The following COBL variants were observed in gnomAD, a reference collection of about 807,000 sequenced individuals.
COBL encodes protein cordon-bleu.
In COBL, 51 loss-of-function variants were observed where a neutral mutation model predicts 98.8. The observed-to-expected ratio is 0.52, with a 90% confidence interval of 0.41 to 0.65. The LOEUF (loss-of-function observed/expected upper bound fraction) is 0.65. Among genes scored for constraint, COBL ranks in the 30% least tolerant of loss-of-function variants. COBL has a pLI of 0.00. For missense variants in COBL, 1,617 were observed against 1,617.5 expected (o/e 1.00, Z 0.01); for synonymous variants, 634 against 651.7 (o/e 0.97, Z 0.41).
At chr7:51,211,881 T>G (rs1792469867) in intron 2 of COBL, among the ~76,000 whole-genome samples, 1 of 152,184 alleles carries the variant, frequency 6.6e-6, no homozygotes. Flanking sequence ...CTTCTCTCTC[T>G]GCCTCTCCTC....
intron 1 of COBL, among the ~76,000 whole-genome samples, chr7:51,307,819 T>C (rs1802633694): frequency 1.3e-5 from 2 of 152,224 alleles, no homozygotes; most frequent in South Asian, 2.1e-4. Flanking sequence ...ATTTAGAGCG[T>C]TGTCACAGCA....
intron 1 of COBL, among the ~76,000 whole-genome samples, chr7:51,304,852 G>A (rs1006909056): frequency 3.3e-5 from 5 of 152,176 alleles, no homozygotes; most frequent in African/African-American, 9.7e-5. Flanking sequence ...TTAGTCATGA[G>A]GGATGAGGAG....
intron 2 of COBL, among the ~76,000 whole-genome samples, chr7:51,205,108 A>G (rs1285960554): frequency 3.3e-5 from 5 of 152,218 alleles, no homozygotes; most frequent in African/African-American, 1.2e-4. Flanking sequence ...TACAGATTCA[A>G]TGCAATCCCT....
intron 2 of COBL, among the ~76,000 whole-genome samples, chr7:51,194,428 C>G (rs1448882731): frequency 6.6e-6 from 1 of 152,172 alleles, no homozygotes; most frequent in African/African-American, 2.4e-5. Context: ...CATACACATG[C>G]ATGTGTCTTT....
rs765421325 is a variant in COBL, at chr7:51,043,632, G to A, written c.1157C>T (p.Ser386Leu). Reference protein sequence around the residue: ...CSPDGAPQVLSEAEETVSVGS... With the variant: ...CSPDGAPQVLLEAEETVSVGS... ...AACTGACACGGTCTCCTCCGCCTCTGACAGCACCTGCGGGGCTCCATCCGG... is the reference window on the plus strand; with the variant it reads ...AACTGACACGGTCTCCTCCGCCTCTAACAGCACCTGCGGGGCTCCATCCGG... The change falls in exon 8 of 13, where the codon TCA becomes TTA. Residue 386 changes from serine to leucine, a missense_variant. Coordinates refer to ENST00000265136, the MANE Select transcript of COBL (RefSeq NM_015198.5). The A allele has an allele frequency of 4.3e-6, 7 of 1,614,198 alleles. No individual in the cohort carries two copies. The highest frequency in any genetic ancestry group is 2.2e-5 in the East Asian group (1 of 44,886).
intron 1 of COBL, among the ~76,000 whole-genome samples, chr7:51,236,055 T>G (rs1795227996): frequency 6.6e-6 from 1 of 152,204 alleles, no homozygotes; most frequent in African/African-American, 2.4e-5. Context: ...AGCAGGGGCC[T>G]GGGCTCACTT....
chr7:51,144,387 G>A lies in COBL; in HGVS notation c.784-8056C>T, dbSNP rs115000965. ...TGGTGGAGCCAGACAGGCTGGCTCT[G>A]GGGCAGAGGTTCGAAAACTCAGCTG... is the stretch of plus-strand genomic sequence containing the variant. On this transcript the variant is annotated intron_variant, in intron 5 of 12. Transcript: ENST00000265136. 9.4e-3 allele frequency among the ~76,000 whole-genome samples: 1,433 copies of A among 152,268 alleles called. 29 individuals carry two copies. The highest frequency in any genetic ancestry group is 0.033 in the African/African-American group (1,366 of 41,542).
At chr7:51,077,482 T>C (rs187119787) in intron 7 of COBL, among the ~76,000 whole-genome samples, 2 of 152,356 alleles carry the variant, frequency 1.3e-5, no homozygotes, top group African/African-American at 4.8e-5. Flanking sequence ...CTCAGTTCTA[T>C]ACAAGGTGAC....
intron 1 of COBL, among the ~76,000 whole-genome samples, chr7:51,250,841 T>G (rs1194956225): frequency 1.3e-5 from 2 of 152,168 alleles, no homozygotes; most frequent in East Asian, 3.8e-4. Flanking sequence ...CTGGGAACCC[T>G]TATGCTGGAA....
rs1803664321 is a variant in COBL at position 51,316,799 on chromosome 7, G to A, written c.-166C>T. The stretch of plus-strand genomic sequence containing the variant: ...GGAGCGCGGCGGACGGAAGGGGCTG[G>A]AATCGTCTCTAGCGGGCGGGGGCGC... On this transcript the variant is annotated 5_prime_UTR_variant, in exon 1 of 13. Transcript: ENST00000265136. 1 of 465,296 alleles carries A rather than the reference G, an allele frequency of 2.1e-6. No individual in the cohort carries two copies. The highest frequency in any genetic ancestry group is 3.2e-6 in the Non-Finnish European group (1 of 307,870). 28.8% of individuals were successfully genotyped at this position (465,296 alleles called of 1,614,324 possible).
intron 1 of COBL, among the ~76,000 whole-genome samples, chr7:51,228,643 C>G (rs1794432176): frequency 6.6e-6 from 1 of 152,262 alleles, no homozygotes; most frequent in African/African-American, 2.4e-5. Flanking sequence ...ATCCATAACA[C>G]TCACCAAACT....
intron 1 of COBL, among the ~76,000 whole-genome samples, chr7:51,268,518 A>G (rs1798432939): frequency 6.6e-6 from 1 of 152,008 alleles, no homozygotes; most frequent in Admixed American, 6.6e-5. Flanking sequence ...CTAAGCATTC[A>G]CTCTGTGCAA....
chr7:51,134,085 C>G (rs1798998847), intron 6 of COBL, among the ~76,000 whole-genome samples: 1 of 152,164 alleles, frequency 6.6e-6, no homozygotes, highest in African/African-American at 2.4e-5. Flanking sequence ...TAAGGCTTCC[C>G]AAACAAACAT....
intron 1 of COBL, among the ~76,000 whole-genome samples, chr7:51,238,864 C>T (rs1025651751): frequency 3.9e-5 from 6 of 152,144 alleles, no homozygotes; most frequent in Non-Finnish European, 7.3e-5. Flanking sequence ...TTCTTCTTCC[C>T]GGGAGTCCCC....
chr7:51,024,310 G>GATAA (rs147422169), intron 12 of COBL, among the ~76,000 whole-genome samples: 5,534 of 151,322 alleles, frequency 0.037, 363 homozygotes, highest in African/African-American at 0.13. Context: ...CTCCGTCTCA[G>GATAA]ATAAATAAAT....
At chr7:51,130,123 G>A (rs1798599241) in intron 6 of COBL, among the ~76,000 whole-genome samples, 1 of 152,178 alleles carries the variant, frequency 6.6e-6, no homozygotes, top group African/African-American at 2.4e-5. Flanking sequence ...CACCATCAAG[G>A]TGGGTCTAAA....
intron 5 of COBL, among the ~76,000 whole-genome samples, chr7:51,167,883 C>T (rs1787481752): frequency 6.6e-6 from 1 of 152,138 alleles, no homozygotes; most frequent in Admixed American, 6.5e-5. Context: ...AAACTAGACT[C>T]CTACCTCTTG....
intron 1 of COBL, among the ~76,000 whole-genome samples, chr7:51,294,442 G>A (rs1294175332): frequency 6.6e-6 from 1 of 151,570 alleles, no homozygotes; most frequent in Non-Finnish European, 1.5e-5. Context: ...AGACCAGCCT[G>A]GCCCACATGG....
chr7:51,189,500 G>C (rs1460538527), intron 4 of COBL, among the ~76,000 whole-genome samples: 1 of 152,160 alleles, frequency 6.6e-6, no homozygotes, highest in Admixed American at 6.5e-5. Context: ...CGGGCATGGT[G>C]GGAGGTGCCT....
Sources: allele counts gnomAD v4.1 joint callset (sites outside exome capture counted in the v4.1 genomes callset), GRCh38; gene constraint gnomAD v4.1.1; transcripts MANE v1.5; gene names NCBI Gene and HGNC (gene_info 2026-07-23, HGNC 2026-07-21).